TSPAN1: variants seen among roughly 807,000 people sequenced by gnomAD.
TSPAN1 encodes tetraspanin 1, also known as tetraspanin-1.
In TSPAN1, 23 loss-of-function variants were observed where a neutral mutation model predicts 26.9. The ratio of observed to expected loss-of-function variants is 0.85; its 90% CI spans 0.62 to 1.21. The LOEUF is 1.21. TSPAN1 is among the 50% of genes most tolerant of loss of function. TSPAN1 has a pLI of 0.00. For synonymous variants in TSPAN1, 115 were observed against 114.8 expected (o/e 1.00, Z -0.01); for missense variants, 283 against 298.4 (o/e 0.95, Z 0.38).
rs911846833 is a variant in TSPAN1, at chr1:46,175,766, G to A, written c.-142+357G>A. The A allele has an allele frequency of 2.2e-5, 9 of 403,704 alleles. No individual in the cohort carries two copies. The South Asian group carries it at 3.9e-4, about 17-fold the overall frequency. The allele number at this position is 403,704 out of a possible 1,614,324, so 25.0% of individuals were successfully genotyped here. A position where few individuals can be genotyped will look rare whatever the true frequency, so the allele number is the denominator to read the frequency against. The stretch of plus-strand genomic sequence containing the variant: ...CCATTAAGGCTGTCAGCACTTTGGG[G>A]TGCCTGCCATCAGGAGTCCCCCATA... On this transcript the variant is annotated intron_variant, in intron 1 of 8. Transcript: ENST00000372003.
intron 1 of TSPAN1, among the ~76,000 whole-genome samples, chr1:46,178,354 C>CAAAA (rs34457165): frequency 7.0e-6 from 1 of 142,030 alleles, no homozygotes; most frequent in Admixed American, 7.0e-5. Context: ...GAGATTCTGT[C>CAAAA]AAAAAAAAAA....
At chr1:46,187,593 AG>A (rs1657462753), downstream of TSPAN1, among the ~76,000 whole-genome samples, 1 of 152,240 alleles carries the variant, frequency 6.6e-6, no homozygotes, top group South Asian at 2.1e-4. Flanking sequence ...GGTGCGGGAC[AG>A]GGGGAGGAGC....
chr1:46,184,956 C>A lies in TSPAN1; in HGVS notation c.439-4C>A. On this transcript the variant is annotated splice_region_variant and splice_polypyrimidine_tract_variant and intron_variant, in intron 6 of 8. Transcript: ENST00000372003. ...CCCCACCTCCACCCTCATCTTGTCT[C>A]CAGCTCAAGTGCTGTGGCTTCACCA... 1 of 1,614,212 alleles carries A rather than the reference C, an allele frequency of 6.2e-7. No individual in the cohort carries two copies. The highest frequency in any genetic ancestry group is 8.5e-7 in the Non-Finnish European group (1 of 1,180,040).
At position 46,185,748 on chromosome 1, in the gene TSPAN1, G is replaced by T. The variant is rs902623329; in HGVS notation, c.*215G>T. 1 of 608,864 alleles carries T rather than the reference G, an allele frequency of 1.6e-6. No individual in the cohort carries two copies. The allele number at this position is 608,864 out of a possible 1,614,324, so 37.7% of individuals were successfully genotyped here. On this transcript the variant is annotated 3_prime_UTR_variant, in exon 9 of 9. Transcript: ENST00000372003. ...CCATTGGTGGGTGGATGGGTGGGGG[G>T]CATTCCAGAGCCTCTAAGGTAGCCA...
Position 46,177,824 on chromosome 1 carries a change from A to G in TSPAN1, c.-142+2415A>G, listed in dbSNP as rs140385572. On this transcript the variant is annotated intron_variant, in intron 1 of 8. Coordinates refer to ENST00000372003, the MANE Select transcript of TSPAN1 (RefSeq NM_005727.4). ...TCAGTAAGCAGGCAAATTCACAGGT[A>G]TGGAATCTGTGAATAAGGAGGATCC... Among the ~76,000 whole-genome samples, 968 of 152,342 alleles carry G rather than the reference A, an allele frequency of 6.4e-3. 9 individuals carry two copies. The highest frequency in any genetic ancestry group is 0.022 in the African/African-American group (902 of 41,574).
At chr1:46,192,849 CTT>C in the TSPAN1 span, 2 of 1,612,040 alleles carry the variant, frequency 1.2e-6, no homozygotes, top group African/African-American at 1.3e-5. Context: ...CTCACTGACT[CTT>C]TCCCTGCAGA....
chr1:46,193,586 ACTGTTATCAT>A, the TSPAN1 span: 3 of 1,614,110 alleles, frequency 1.9e-6, no homozygotes, highest in Non-Finnish European at 2.5e-6. Flanking sequence ...GTCAATGAAA[ACTGTTATCAT>A]CTGAGGAGAC....
At chr1:46,193,779 C>G in the TSPAN1 span, 2 of 1,603,004 alleles carry the variant, frequency 1.2e-6, no homozygotes, top group Admixed American at 3.5e-5. Context: ...CTGCCCACCT[C>G]AAGAGTTCCT....
chr1:46,181,626 GACAA>G (rs1657317974), intron 3 of TSPAN1, among the ~76,000 whole-genome samples: 2 of 151,336 alleles, frequency 1.3e-5, no homozygotes, highest in Admixed American at 6.5e-5. Context: ...TTATTCATTC[GACAA>G]ACATTCATTG....
intron 1 of TSPAN1, 93 bp downstream of exon 1, chr1:46,175,502 G>T (rs143589760): frequency 2.5e-5 from 10 of 398,698 alleles, no homozygotes; most frequent in South Asian, 1.3e-4. Flanking sequence ...CAGAATGACT[G>T]TATTTGTTGT....
chr1:46,192,383 C>T, the TSPAN1 span: 1 of 1,614,206 alleles, frequency 6.2e-7, no homozygotes, highest in Admixed American at 1.7e-5. Flanking sequence ...CCAGCCCAGG[C>T]ATGGTCTCCA....
At chr1:46,193,334 T>C in the TSPAN1 span, 1 of 1,613,752 alleles carries the variant, frequency 6.2e-7, no homozygotes, top group Non-Finnish European at 8.5e-7. Flanking sequence ...TTGATGCTGA[T>C]GGGAGTATGC....
the TSPAN1 span, chr1:46,195,571 G>C: frequency 1.7e-6 from 1 of 576,746 alleles, no homozygotes; most frequent in South Asian, 1.8e-5. Context: ...AGCTCCATGA[G>C]GGTGGGGACT....
rs1571638790 is a variant in TSPAN1 at position 46,183,977 on chromosome 1, A to G, written c.58-214A>G. On this transcript the variant is annotated intron_variant, in intron 3 of 8. Coordinates refer to ENST00000372003, the MANE Select transcript of TSPAN1 (RefSeq NM_005727.4). ...TTCTAGAACCCCTGATCTCCTTTAT[A>G]TCTGCCCAGGTGTGCAGCCTGGTCC... 8.3e-6 allele frequency: 5 copies of G among 602,056 alleles called. No individual in the cohort carries two copies. The East Asian group carries it at 1.4e-4, about 17-fold the overall frequency. The allele number at this position is 602,056 out of a possible 1,614,324, so 37.3% of individuals were successfully genotyped here.
chr1:46,193,726 T>G, the TSPAN1 span: 1 of 1,603,850 alleles, frequency 6.2e-7, no homozygotes, highest in Non-Finnish European at 8.5e-7. Flanking sequence ...AGAGTCCCTA[T>G]GCTTACCCAC....
At chr1:46,193,857 G>A in the TSPAN1 span, 2 of 1,614,122 alleles carry the variant, frequency 1.2e-6, no homozygotes, top group South Asian at 1.1e-5. Flanking sequence ...AGGCTTACCT[G>A]TACAGGTAAT....
At chr1:46,189,189 C>CA (rs1265055036), downstream of TSPAN1, 1 of 1,541,334 alleles carries the variant, frequency 6.5e-7, no homozygotes, top group Non-Finnish European at 8.7e-7. Context: ...CCAGCATCTA[C>CA]AAAATCCTAC....
At chr1:46,193,518 G>A in the TSPAN1 span, 1 of 1,613,928 alleles carries the variant, frequency 6.2e-7, no homozygotes, top group Admixed American at 1.7e-5. Context: ...AATCACTGCT[G>A]CTCCATGTTG....
intron 3 of TSPAN1, among the ~76,000 whole-genome samples, chr1:46,183,161 G>A (rs1234467764): frequency 6.6e-6 from 1 of 152,178 alleles, no homozygotes; most frequent in Non-Finnish European, 1.5e-5. Context: ...TAGGATTCCA[G>A]GGATTTGGAC....
Sources: gnomAD v4.1 joint callset for allele counts (sites outside exome capture counted in the v4.1 genomes callset) on GRCh38, gnomAD v4.1.1 for gene constraint, MANE v1.5 for transcripts, NCBI Gene and HGNC (gene_info 2026-07-23, HGNC 2026-07-21) for gene names.